Variants in DLG2 observed in about 807,000 individuals in gnomAD.
DLG2 encodes the protein disks large homolog 2.
DLG2 carries 45 observed loss-of-function variants against 132.5 expected under a neutral mutation model. That is an observed-to-expected ratio of 0.34 (90% CI 0.27 to 0.44). The LOEUF (loss-of-function observed/expected upper bound fraction) is 0.44, where lower values mean the gene tolerates loss of function less well. DLG2 is among the 20% of genes least tolerant of loss of function. The pLI, the probability that DLG2 is intolerant of heterozygous loss-of-function variation, is 1.00. For missense variants in DLG2, 1,045 were observed against 1,196.9 expected, an observed-to-expected ratio of 0.87 and a Z score of 1.87; for synonymous variants, 424 against 419.6, an observed-to-expected ratio of 1.01 and a Z score of -0.13.
At chr11:84,017,036 A>G (rs2095226466) in intron 11 of DLG2, among the ~76,000 whole-genome samples, 1 of 152,064 alleles carries the variant, frequency 6.6e-6, no homozygotes, top group Admixed American at 6.6e-5. Flanking sequence ...AGAGTACTAC[A>G]CAGAGAACAT....
chr11:84,662,332 A>G (rs1430052577), intron 6 of DLG2, among the ~76,000 whole-genome samples: 1 of 151,542 alleles, frequency 6.6e-6, no homozygotes, highest in Non-Finnish European at 1.5e-5. Flanking sequence ...ACATGCCACC[A>G]TGCCCAGCTA....
chr11:85,383,424 G>A (rs1317637150), intron 3 of DLG2, among the ~76,000 whole-genome samples: 4 of 152,082 alleles, frequency 2.6e-5, no homozygotes, highest in Admixed American at 1.3e-4. Flanking sequence ...CTAACAAAAC[G>A]CTGAATTGTG....
At chr11:83,482,605 A>C (rs2093209334) in intron 22 of DLG2, among the ~76,000 whole-genome samples, 1 of 152,156 alleles carries the variant, frequency 6.6e-6, no homozygotes, top group East Asian at 1.9e-4. Flanking sequence ...GTAGCTAATA[A>C]ATCACTGATA....
chr11:84,584,346 C>T (rs577742001), intron 6 of DLG2, among the ~76,000 whole-genome samples: 8 of 151,956 alleles, frequency 5.3e-5, no homozygotes, highest in African/African-American at 1.9e-4. Context: ...GTCTATTGAA[C>T]ATTTTTCTGT....
At chr11:83,771,398 A>G (rs1167977070) in intron 18 of DLG2, among the ~76,000 whole-genome samples, 1 of 152,232 alleles carries the variant, frequency 6.6e-6, no homozygotes, top group African/African-American at 2.4e-5. Context: ...GTTTAAAAGA[A>G]AATAAAAATA....
At position 83,762,671 on chromosome 11, in the gene DLG2, C is replaced by T. The variant is rs561936120; in HGVS notation, c.1825+24019G>A. 9.2e-5 allele frequency among the ~76,000 whole-genome samples: 14 copies of T among 152,024 alleles called. 1 individual carries two copies. Among genetic ancestry groups the T allele is most frequent in the Admixed American group, 5.9e-4 (9 of 15,278 alleles). ...TCTCGGCTCACTGCAAGCTCCGCCT[C>T]CTGGGTTCATGCCATTCTCCTGCCT... On this transcript the variant is annotated intron_variant, in intron 18 of 27. Transcript: ENST00000376104.
chr11:83,720,326 A>AAAAAAAAAAAAAAAAAAAG (rs1593067642), intron 18 of DLG2, among the ~76,000 whole-genome samples: 1 of 138,536 alleles, frequency 7.2e-6, no homozygotes, highest in Non-Finnish European at 1.5e-5. Flanking sequence ...AAAAAAAAAA[A>AAAAAAAAAAAAAAAAAAAG]GAATGACATT....
At chr11:85,181,987 A>T (rs755101634) in intron 4 of DLG2, among the ~76,000 whole-genome samples, 3 of 151,860 alleles carry the variant, frequency 2.0e-5, no homozygotes, top group Non-Finnish European at 4.4e-5. Context: ...CATCTTTGTG[A>T]TGTGGAAATT....
chr11:85,298,764 T>A (rs1014991996), intron 3 of DLG2, among the ~76,000 whole-genome samples: 1 of 152,040 alleles, frequency 6.6e-6, no homozygotes, highest in Admixed American at 6.6e-5. Flanking sequence ...AATATTACCA[T>A]CTGATTTTGA....
intron 7 of DLG2, among the ~76,000 whole-genome samples, chr11:84,350,174 T>TCCC (rs34820095): frequency 2.0e-4 from 16 of 81,930 alleles, no homozygotes; most frequent in South Asian, 4.2e-4. Flanking sequence ...AGAGACTTCG[T>TCCC]CCCCCCCCCC....
At chr11:85,163,224 G>GAC (rs112583126) in intron 4 of DLG2, among the ~76,000 whole-genome samples, 1,823 of 135,194 alleles carry the variant, frequency 0.013, 9 homozygotes, top group East Asian at 0.046. Flanking sequence ...CACACACACA[G>GAC]ACACACACAC....
intron 3 of DLG2, among the ~76,000 whole-genome samples, chr11:85,482,150 C>T (rs1305691229): frequency 6.6e-6 from 1 of 152,104 alleles, no homozygotes; most frequent in Non-Finnish European, 1.5e-5. Flanking sequence ...AAGTCCCAAG[C>T]TTCAGGCCCA....
intron 7 of DLG2, among the ~76,000 whole-genome samples, chr11:84,345,197 A>G (rs992749571): frequency 3.9e-5 from 6 of 152,186 alleles, no homozygotes; most frequent in African/African-American, 1.4e-4. Context: ...ATCTTTCCAA[A>G]TGTGGGCCAG....
At chr11:85,618,095 G>A (rs527919477) in intron 2 of DLG2, among the ~76,000 whole-genome samples, 21 of 152,208 alleles carry the variant, frequency 1.4e-4, no homozygotes, top group African/African-American at 2.4e-4. Context: ...GAACCCATGC[G>A]GAAAGCTTAT....
At chr11:84,155,564 C>T (rs2095412166) in intron 9 of DLG2, among the ~76,000 whole-genome samples, 1 of 151,520 alleles carries the variant, frequency 6.6e-6, no homozygotes, top group African/African-American at 2.4e-5. Context: ...AAATACACAC[C>T]CAATGCCAGG....
chr11:84,693,698 T>A (rs996325404), intron 6 of DLG2, among the ~76,000 whole-genome samples: 9 of 151,658 alleles, frequency 5.9e-5, no homozygotes, highest in African/African-American at 2.2e-4. Context: ...CCCATCCACT[T>A]CTCTGTGTTC....
At chr11:84,597,815 C>T (rs1254489963) in intron 6 of DLG2, among the ~76,000 whole-genome samples, 1 of 152,108 alleles carries the variant, frequency 6.6e-6, no homozygotes, top group Non-Finnish European at 1.5e-5. Flanking sequence ...GTATGGAGCA[C>T]CATCTATGAA....
chr11:84,221,378 C>T (rs1467347642), intron 8 of DLG2, among the ~76,000 whole-genome samples: 1 of 151,888 alleles, frequency 6.6e-6, no homozygotes, highest in African/African-American at 2.4e-5. Context: ...GCAGGAGAAT[C>T]GCTTGAACCT....
intron 6 of DLG2, among the ~76,000 whole-genome samples, chr11:84,998,883 C>A (rs2154129660): frequency 1.3e-5 from 2 of 152,110 alleles, no homozygotes; most frequent in Middle Eastern, 3.4e-3. Context: ...CTAAAAGTAG[C>A]CCTGCTTCGC....
Sources: gnomAD v4.1 joint callset for allele counts (sites outside exome capture counted in the v4.1 genomes callset) on GRCh38, gnomAD v4.1.1 for gene constraint, MANE v1.5 for transcripts, NCBI Gene and HGNC (gene_info 2026-07-23, HGNC 2026-07-21) for gene names.